RPS6KA2: variants seen among roughly 807,000 people sequenced by gnomAD.
The protein encoded by RPS6KA2 is ribosomal protein S6 kinase alpha-2.
In RPS6KA2, 42 loss-of-function variants were observed where a neutral mutation model predicts 91.8. The ratio of observed to expected loss-of-function variants is 0.46; its 90% CI spans 0.36 to 0.59. The LOEUF is 0.59. Among genes scored for constraint, RPS6KA2 ranks in the 20% least tolerant of loss-of-function variants. The pLI, the probability that RPS6KA2 is intolerant of heterozygous loss-of-function variation, is 0.00. For missense variants in RPS6KA2, 798 were observed against 978.5 expected (o/e 0.82, Z 2.46); for synonymous variants, 414 against 393.6 (o/e 1.05, Z -0.61).
chr6:166,474,210 G>A (rs976552309), intron 10 of RPS6KA2, among the ~76,000 whole-genome samples: 2 of 152,152 alleles, frequency 1.3e-5, no homozygotes, highest in African/African-American at 4.8e-5. Context: ...TCCCAGCAAT[G>A]CCAGTAGAAA....
intron 2 of RPS6KA2, among the ~76,000 whole-genome samples, chr6:166,667,346 A>G (rs1788344960): frequency 6.6e-6 from 1 of 152,238 alleles, no homozygotes; most frequent in Non-Finnish European, 1.5e-5. Context: ...ATAGTTACAC[A>G]TAGTTATGTC....
chr6:166,503,215 G>A (rs187882690), intron 6 of RPS6KA2, among the ~76,000 whole-genome samples: 23 of 152,226 alleles, frequency 1.5e-4, no homozygotes, highest in African/African-American at 5.5e-4. Context: ...TGCTCCAGCT[G>A]TATTTACACA....
At chr6:166,795,503 G>A (rs1011180937) in intron 2 of RPS6KA2, among the ~76,000 whole-genome samples, 35 of 152,148 alleles carry the variant, frequency 2.3e-4, no homozygotes, top group African/African-American at 7.7e-4. Flanking sequence ...CCTGACAGCC[G>A]ATCGCAGCTC....
chr6:166,692,076 C>T (rs1433919998), intron 2 of RPS6KA2, among the ~76,000 whole-genome samples: 2 of 151,956 alleles, frequency 1.3e-5, no homozygotes, highest in African/African-American at 2.4e-5. Flanking sequence ...GATTCACAAG[C>T]GTGCATTAAA....
At chr6:166,729,039 C>T (rs1167810443) in intron 2 of RPS6KA2, among the ~76,000 whole-genome samples, 3 of 152,206 alleles carry the variant, frequency 2.0e-5, no homozygotes, top group African/African-American at 7.2e-5. Flanking sequence ...TGGAGTGCTC[C>T]CCTGCGGAAG....
intron 2 of RPS6KA2, among the ~76,000 whole-genome samples, chr6:166,815,570 G>A (rs527301537): frequency 1.3e-5 from 2 of 152,278 alleles, no homozygotes; most frequent in East Asian, 3.9e-4. Context: ...AGTTAATTTA[G>A]GAAATAATCT....
At chr6:166,606,875 T>G (rs1214391858) in intron 1 of RPS6KA2, among the ~76,000 whole-genome samples, 1 of 152,184 alleles carries the variant, frequency 6.6e-6, no homozygotes, top group African/African-American at 2.4e-5. Context: ...GCATGGTGGC[T>G]CACGCCTGTA....
At chr6:166,769,991 T>G (rs1778421992) in intron 2 of RPS6KA2, among the ~76,000 whole-genome samples, 1 of 152,248 alleles carries the variant, frequency 6.6e-6, no homozygotes, top group African/African-American at 2.4e-5. Context: ...GGAGTATTTT[T>G]GTTTCAAATG....
chr6:166,752,784 C>G (rs1169560333), intron 2 of RPS6KA2, among the ~76,000 whole-genome samples: 1 of 152,196 alleles, frequency 6.6e-6, no homozygotes, highest in Non-Finnish European at 1.5e-5. Flanking sequence ...TGACTCTCCC[C>G]ATAGTTTTGT....
intron 2 of RPS6KA2, among the ~76,000 whole-genome samples, chr6:166,687,040 A>G (rs373063256): frequency 8.9e-4 from 136 of 152,266 alleles, no homozygotes; most frequent in Middle Eastern, 6.8e-3. Context: ...ATGAAGACAC[A>G]AGCCAACCAA....
rs937369178 is a variant in RPS6KA2, at chr6:166,437,781, C to T, written c.1333-5291G>A. ...CACTGCCATTCCTGCTGGCCGAAGG[C>T]GACAACAGGAGACTTCGCTGCTCTT... is the stretch of plus-strand genomic sequence containing the variant. On this transcript the variant is annotated intron_variant, in intron 14 of 20. Transcript: ENST00000265678. The surrounding 1 kb of genome is among the most constrained non-coding windows in gnomAD (Gnocchi z 4.3). Among the ~76,000 whole-genome samples the T allele has an allele frequency of 2.6e-5, 4 of 152,180 alleles. No homozygotes were observed. Among genetic ancestry groups the T allele is most frequent in the African/African-American group, 9.7e-5 (4 of 41,426 alleles).
At chr6:166,550,915 C>G (rs565603335) in intron 1 of RPS6KA2, among the ~76,000 whole-genome samples, 59 of 145,866 alleles carry the variant, frequency 4.0e-4, no homozygotes, top group Admixed American at 2.5e-3. Context: ...GCAGCGGAAT[C>G]GCTTGAACCT....
At chr6:166,660,312 ATG>A (rs1491448418) in intron 2 of RPS6KA2, among the ~76,000 whole-genome samples, 7 of 148,592 alleles carry the variant, frequency 4.7e-5, no homozygotes, top group African/African-American at 9.9e-5. Context: ...GTGTGTGTGC[ATG>A]TGTGTGTGTG....
rs1055561248 is a variant in RPS6KA2, at chr6:166,563,977, T to G, written c.100-25193A>C. 1.3e-5 allele frequency among the ~76,000 whole-genome samples: 2 copies of G among 152,166 alleles called. No individual in the cohort carries two copies. The highest frequency in any genetic ancestry group is 4.8e-5 in the African/African-American group (2 of 41,424). ...GCATGAAGAAATGGCAGATGTCAGA[T>G]GTCAGCGCTGCCAATGTTTCAGCAC... is the stretch of plus-strand genomic sequence containing the variant. On this transcript the variant is annotated intron_variant, in intron 1 of 20. Transcript: ENST00000265678. The surrounding 1 kb of genome is among the most constrained non-coding windows in gnomAD (Gnocchi z 4.1).
At position 166,451,171 on chromosome 6, in the gene RPS6KA2, C is replaced by T; in HGVS notation, c.1138G>A (p.Ala380Thr). The T allele has an allele frequency of 2.5e-6, 4 of 1,614,098 alleles. No homozygotes were observed. The highest frequency in any genetic ancestry group is 3.4e-6 in the Non-Finnish European group (4 of 1,180,010). Residue 380 changes from alanine to threonine, a missense_variant, in exon 13 of 21, where the codon GCC becomes ACC. Physicochemically the swap from Ala to Thr is moderately conservative, Grantham distance 58. Coordinates refer to ENST00000265678, the MANE Select transcript of RPS6KA2 (RefSeq NM_021135.6). ...HHLFRGFSFV[A>T]SSLIQEPSQQ... The stretch of plus-strand genomic sequence containing the variant: ...GAGGGCTCCTGGATCAGGCTTGAGG[C>T]CACAAAGCTGAATCCTCTAAACAGG...
intron 2 of RPS6KA2, among the ~76,000 whole-genome samples, chr6:166,633,049 T>C (rs1228976493): frequency 6.6e-6 from 1 of 152,208 alleles, no homozygotes; most frequent in Middle Eastern, 3.2e-3. Context: ...ACCCATGTTT[T>C]CTCTACTAAA....
Position 166,770,901 on chromosome 6 carries a change from A to G in RPS6KA2, c.123+87299T>C. The G allele has an allele frequency of 6.3e-7, 1 of 1,597,408 alleles. No individual in the cohort carries two copies. Among genetic ancestry groups the G allele is most frequent in the South Asian group, 1.1e-5 (1 of 90,714 alleles). On this transcript the variant is annotated intron_variant, in intron 2 of 21. Coordinates refer to the RPS6KA2 transcript ENST00000503859. The surrounding 1 kb of genome is among the most constrained non-coding windows in gnomAD (Gnocchi z 5.1). Reference sequence around the variant, plus strand: ...GCTACCTTTGTCTTGCAGGCAGCTGAGTCACTTTTGCCCTGTGAAAATGGA... The same window carrying G: ...GCTACCTTTGTCTTGCAGGCAGCTGGGTCACTTTTGCCCTGTGAAAATGGA...
intron 1 of RPS6KA2, chr6:166,586,328 G>A: frequency 6.3e-7 from 1 of 1,599,278 alleles, no homozygotes; most frequent in South Asian, 1.1e-5. Flanking sequence ...TGTTTCTTTG[G>A]TTCCCACCAG....
At chr6:166,812,005 C>T (rs1372603327) in intron 2 of RPS6KA2, among the ~76,000 whole-genome samples, 5 of 152,046 alleles carry the variant, frequency 3.3e-5, no homozygotes, top group African/African-American at 7.2e-5. Context: ...TAAATGAGTC[C>T]GGGGAACTTC....
Sources: gnomAD v4.1 joint callset for allele counts (sites outside exome capture counted in the v4.1 genomes callset) on GRCh38, gnomAD v4.1.1 for gene constraint, Gnocchi (gnomAD v3.1) non-coding constraint, MANE v1.5 for transcripts, NCBI Gene and HGNC (gene_info 2026-07-23, HGNC 2026-07-21) for gene names.